PCDHGA11: variants seen among roughly 807,000 people sequenced by gnomAD.
The protein encoded by PCDHGA11 is protocadherin gamma subfamily A, 11, also known as protocadherin gamma-A11.
A neutral mutation model predicts 60.4 loss-of-function variants in PCDHGA11; 39 were observed. The ratio of observed to expected loss-of-function variants is 0.65; its 90% CI spans 0.50 to 0.84. PCDHGA11 has a LOEUF of 0.84. Among genes scored for constraint, PCDHGA11 ranks in the 40% least tolerant of loss-of-function variants. PCDHGA11 has a pLI of 0.00. For missense variants in PCDHGA11, 1,165 were observed against 1,197.7 expected (o/e 0.97, Z 0.40); for synonymous variants, 533 against 510.3 (o/e 1.04, Z -0.60).
At chr5:141,494,729 C>A in intron 1 of PCDHGA11, 78 bp from the exon 2 acceptor site, 1 of 1,610,166 alleles carries the variant, frequency 6.2e-7, no homozygotes. Context: ...CCTTCTCTCC[C>A]GGCCCATCCC....
intron 1 of PCDHGA11, among the ~76,000 whole-genome samples, chr5:141,454,750 T>C (rs992030704): frequency 1.3e-5 from 2 of 150,108 alleles, no homozygotes; most frequent in Admixed American, 6.7e-5. Flanking sequence ...GAGGCCAAAC[T>C]AATCTTGACA....
intron 1 of PCDHGA11, among the ~76,000 whole-genome samples, chr5:141,460,646 C>T (rs1001365023): frequency 2.0e-5 from 3 of 151,954 alleles, no homozygotes; most frequent in African/African-American, 7.3e-5. Context: ...ACTGTGTTTA[C>T]ACATATGTAA....
chr5:141,476,336 C>G lies in PCDHGA11; in HGVS notation c.2434-18471C>G, dbSNP rs1228900349. The G allele has an allele frequency of 2.5e-6, 4 of 1,614,008 alleles. No individual in the cohort carries two copies. The highest frequency in any genetic ancestry group is 2.2e-5 in the East Asian group (1 of 44,854). ...GTTCCGGGTGGTGTCTGGAGCTAGC[C>G]GAAGATTCTTTGAGGTGAACCGGGA... On this transcript the variant is annotated intron_variant, in intron 1 of 3. Coordinates refer to ENST00000398587, the MANE Select transcript of PCDHGA11 (RefSeq NM_018914.3). The surrounding 1 kb of genome is among the most constrained non-coding windows in gnomAD (Gnocchi z 7.6).
At chr5:141,496,021 G>T (rs1011612662) in intron 2 of PCDHGA11, among the ~76,000 whole-genome samples, 2 of 151,336 alleles carry the variant, frequency 1.3e-5, no homozygotes, top group African/African-American at 4.9e-5. Flanking sequence ...TTTTCTCTGA[G>T]CCTCTGTCTC....
rs748660721 is a variant in PCDHGA11 at position 141,485,346 on chromosome 5, G to A, written c.2434-9461G>A. The A allele has an allele frequency of 1.2e-6, 2 of 1,614,178 alleles. No individual in the cohort carries two copies. Among genetic ancestry groups the A allele is most frequent in the South Asian group, 2.2e-5 (2 of 91,088 alleles). ...CAAGATTTCCTGCTGGATACGGACA[G>A]TCTGTCAGCTCGCAGGCTGCAGGTC... On this transcript the variant is annotated intron_variant, in intron 1 of 3. Transcript: ENST00000398587. This position sits in a 1 kb window ranked among gnomAD's most constrained non-coding sequence, Gnocchi z 5.7.
chr5:141,464,725 A>G (rs538200804), intron 1 of PCDHGA11, among the ~76,000 whole-genome samples: 27 of 152,178 alleles, frequency 1.8e-4, no homozygotes, highest in African/African-American at 5.1e-4. Flanking sequence ...TCATATGTTT[A>G]AAAGCCAGTT....
At chr5:141,462,387 A>G (rs781355919) in intron 1 of PCDHGA11, among the ~76,000 whole-genome samples, 13 of 152,178 alleles carry the variant, frequency 8.5e-5, no homozygotes, top group Non-Finnish European at 1.3e-4. Context: ...AAATTCGTTA[A>G]CATTTCTTTT....
intron 2 of PCDHGA11, among the ~76,000 whole-genome samples, chr5:141,496,189 G>T (rs1362938002): frequency 1.3e-5 from 2 of 152,004 alleles, no homozygotes; most frequent in African/African-American, 4.8e-5. Context: ...AGCCCCAGCT[G>T]CTCATTTCAA....
rs1347978078 is a variant in PCDHGA11, at chr5:141,486,800, C to G, written c.2434-8007C>G. ...GGTGCAGGCCCGGGATCGGGGCAAC[C>G]CACCCCTTAGCAGCACTGTAACAGT... On this transcript the variant is annotated intron_variant, in intron 1 of 3. Coordinates refer to ENST00000398587, the MANE Select transcript of PCDHGA11 (RefSeq NM_018914.3). The surrounding 1 kb of genome is among the most constrained non-coding windows in gnomAD (Gnocchi z 5.0). 1.9e-6 allele frequency: 3 copies of G among 1,614,104 alleles called. No individual in the cohort carries two copies. In the Admixed American group the frequency reaches 5.0e-5, roughly 27 times the overall value.
In PCDHGA11 at chr5:141,432,088, A is replaced by T. The variant is rs144317211; in HGVS notation, c.2433+8428A>T. The T allele has an allele frequency of 2.9e-5, 47 of 1,614,148 alleles. No individual in the cohort carries two copies. In the African/African-American group the frequency reaches 5.7e-4, roughly 20 times the overall value. On this transcript the variant is annotated intron_variant, in intron 1 of 3. Transcript: ENST00000398587. This position sits in a 1 kb window ranked among gnomAD's most constrained non-coding sequence, Gnocchi z 6.0. Reference sequence around the variant, plus strand: ...AAACTCATATCTCGCTGAACGTGGCAGACACCAACGACAACCCGCCGGTCT... The same window carrying T: ...AAACTCATATCTCGCTGAACGTGGCTGACACCAACGACAACCCGCCGGTCT...
rs181806844 is a variant in PCDHGA11 at position 141,445,046 on chromosome 5, G to T, written c.2433+21386G>T. Among the ~76,000 whole-genome samples the T allele has an allele frequency of 1.2e-4, 19 of 152,248 alleles. No individual in the cohort carries two copies. The East Asian group carries it at 3.7e-3, about 29-fold the overall frequency. ...TCAGCTATGTTGTATAGTTTTCAGT[G>T]TAGAGAGGTCATGTATATTTCTCAT... On this transcript the variant is annotated intron_variant, in intron 1 of 3. Transcript: ENST00000398587.
At position 141,431,031 on chromosome 5, in the gene PCDHGA11, A is replaced by C; in HGVS notation, c.2433+7371A>C. Reference sequence around the variant, plus strand: ...AGCTTGGTCACGGCGGGCAGGATAGACCGGGAGGAGCTCTGTATGGGGGCC... The same window carrying C: ...AGCTTGGTCACGGCGGGCAGGATAGCCCGGGAGGAGCTCTGTATGGGGGCC... On this transcript the variant is annotated intron_variant, in intron 1 of 3. Coordinates refer to ENST00000398587, the MANE Select transcript of PCDHGA11 (RefSeq NM_018914.3). This position sits in a 1 kb window ranked among gnomAD's most constrained non-coding sequence, Gnocchi z 4.8. 1 of 1,614,036 alleles carries C rather than the reference A, an allele frequency of 6.2e-7. No homozygotes were observed. The highest frequency in any genetic ancestry group is 8.5e-7 in the Non-Finnish European group (1 of 1,180,000).
In PCDHGA11 at chr5:141,477,380, G is replaced by C; in HGVS notation, c.2434-17427G>C. The C allele has an allele frequency of 6.2e-7, 1 of 1,614,116 alleles. No homozygotes were observed. The highest frequency in any genetic ancestry group is 8.5e-7 in the Non-Finnish European group (1 of 1,180,028). On this transcript the variant is annotated intron_variant, in intron 1 of 3. Transcript: ENST00000398587. The surrounding 1 kb of genome is among the most constrained non-coding windows in gnomAD (Gnocchi z 4.9). ...AGACCTGGATCGGGAGACTGTGCCA[G>C]AATACAACCTCAGCATCACCGCCCG...
At chr5:141,501,557 G>A (rs192507373) in intron 2 of PCDHGA11, among the ~76,000 whole-genome samples, 1 of 152,124 alleles carries the variant, frequency 6.6e-6, no homozygotes, top group Non-Finnish European at 1.5e-5. Context: ...CATAGGCCCT[G>A]GAATCATATT....
At chr5:141,475,828 C>T (rs1319658902) in intron 1 of PCDHGA11, 1 of 387,614 alleles carries the variant, frequency 2.6e-6, no homozygotes, top group Admixed American at 4.3e-5. Context: ...GGCGCTAGCG[C>T]GTGTCCTGCT....
In PCDHGA11 at chr5:141,432,927, G is replaced by T. The variant is rs774982939; in HGVS notation, c.2433+9267G>T. ...AGGCTGCGGCGCTGGCACAAGTCAC[G>T]CCTGCTGCAGGCTTCAGGAGGCGGC... is the stretch of plus-strand genomic sequence containing the variant. On this transcript the variant is annotated intron_variant, in intron 1 of 3. Coordinates refer to ENST00000398587, the MANE Select transcript of PCDHGA11 (RefSeq NM_018914.3). This position sits in a 1 kb window ranked among gnomAD's most constrained non-coding sequence, Gnocchi z 6.0. 1.9e-6 allele frequency: 3 copies of T among 1,614,162 alleles called. No homozygotes were observed. In the Admixed American group the frequency reaches 5.0e-5, roughly 27 times the overall value.
rs370237298 is a variant in PCDHGA11 at position 141,487,298 on chromosome 5, G to A, written c.2434-7509G>A. ...TTGCTTTGTCTCCTTTGGCTCATTCGTGGCACTACTCTCTAAGTGTCTTCG... is the reference window on the plus strand; with the variant it reads ...TTGCTTTGTCTCCTTTGGCTCATTCATGGCACTACTCTCTAAGTGTCTTCG... On this transcript the variant is annotated intron_variant, in intron 1 of 3. Coordinates refer to ENST00000398587, the MANE Select transcript of PCDHGA11 (RefSeq NM_018914.3). The surrounding 1 kb of genome is among the most constrained non-coding windows in gnomAD (Gnocchi z 5.0). The A allele has an allele frequency of 3.2e-5, 51 of 1,614,072 alleles. 1 individual carries two copies. Among genetic ancestry groups the A allele is most frequent in the South Asian group, 5.5e-5 (5 of 91,082 alleles).
intron 1 of PCDHGA11, chr5:141,478,647 T>G (rs2099469515): frequency 6.4e-7 from 1 of 1,552,152 alleles, no homozygotes; most frequent in Non-Finnish European, 8.7e-7. Flanking sequence ...GAAGATGTTT[T>G]CCTGGTGATG....
At chr5:141,457,475 G>T (rs1203288452) in intron 1 of PCDHGA11, among the ~76,000 whole-genome samples, 1 of 152,142 alleles carries the variant, frequency 6.6e-6, no homozygotes, top group East Asian at 1.9e-4. Flanking sequence ...AATAAGCAGG[G>T]CCAGGGTTAG....
Sources: allele counts gnomAD v4.1 joint callset (sites outside exome capture counted in the v4.1 genomes callset), GRCh38; gene constraint gnomAD v4.1.1; non-coding constraint Gnocchi (gnomAD v3.1); transcripts MANE v1.5; gene names NCBI Gene and HGNC (gene_info 2026-07-23, HGNC 2026-07-21).